Variants in SPOP observed in about 807,000 individuals in gnomAD.
SPOP encodes speckle-type POZ protein.
Under a neutral mutation model 45.6 loss-of-function variants are expected in SPOP, and 11 were observed. The observed-to-expected ratio is 0.24, with a 90% confidence interval of 0.15 to 0.40. The LOEUF is 0.40. Ranked by LOEUF, SPOP falls within the 10% of genes least tolerant of loss-of-function variation. The pLI is 1.00. For synonymous variants in SPOP, 166 were observed against 166.3 expected (o/e 1.00, Z 0.01); for missense variants, 152 against 465.6 (o/e 0.33, Z 6.20).
At chr17:49,616,873 G>A (rs1223716312) in intron 5 of SPOP, among the ~76,000 whole-genome samples, 1 of 152,200 alleles carries the variant, frequency 6.6e-6, no homozygotes, top group African/African-American at 2.4e-5. Context: ...TTTCTAAAGT[G>A]TCATCTCACT....
intron 1 of SPOP, among the ~76,000 whole-genome samples, chr17:49,645,362 C>T (rs534282354): frequency 3.3e-5 from 5 of 151,390 alleles, no homozygotes; most frequent in East Asian, 1.9e-4. Context: ...TACAGTGATT[C>T]GATCTCTGCT....
chr17:49,642,213 A>G (rs1159076138), intron 1 of SPOP, among the ~76,000 whole-genome samples: 1 of 152,068 alleles, frequency 6.6e-6, no homozygotes, highest in Non-Finnish European at 1.5e-5. Context: ...AAGTGAGCAC[A>G]TTTTACTTTT....
At chr17:49,603,475 A>G (rs1216931493) in intron 8 of SPOP, among the ~76,000 whole-genome samples, 3 of 152,212 alleles carry the variant, frequency 2.0e-5, no homozygotes, top group Non-Finnish European at 4.4e-5. Flanking sequence ...TTTCTTAATT[A>G]TGCTTCTGAA....
chr17:49,619,280 G>A lies in SPOP; in HGVS notation c.306C>T (p.Phe102=), dbSNP rs1057519965. 2 of 1,614,126 alleles carry A rather than the reference G, an allele frequency of 1.2e-6. No individual in the cohort carries two copies. The highest frequency in any genetic ancestry group is 3.3e-5 in the Admixed American group (2 of 60,020). Residue 102 remains phenylalanine (F), a synonymous_variant, in exon 4 of 10, where the codon TTC becomes TTT. Coordinates refer to ENST00000504102, the MANE Select transcript of SPOP (RefSeq NM_001007228.2). This position sits in a 1 kb window ranked among gnomAD's most constrained non-coding sequence, Gnocchi z 4.9. ...CCTTGGCATTCAGGATGGAGAATTT[G>A]AATTTTGCCCGAACTTCACTCTTTG... ...SCPKSEVRAK[F]KFSILNAKGE...
chr17:49,665,067 C>T (rs188951579), intron 1 of SPOP, among the ~76,000 whole-genome samples: 13 of 152,012 alleles, frequency 8.6e-5, no homozygotes, highest in Non-Finnish European at 1.6e-4. Context: ...CATAAAACTT[C>T]GATGCTTTTA....
At chr17:49,625,659 A>G (rs1401612668) in intron 1 of SPOP, among the ~76,000 whole-genome samples, 1 of 152,006 alleles carries the variant, frequency 6.6e-6, no homozygotes, top group African/African-American at 2.4e-5. Flanking sequence ...ATGGACATCA[A>G]ACACAGAGCT....
chr17:49,618,420 A>G (rs1380550589), intron 5 of SPOP: 5 of 382,152 alleles, frequency 1.3e-5, no homozygotes, highest in Non-Finnish European at 2.6e-5. Context: ...GGACTTTCCT[A>G]ACTGACTACA....
At chr17:49,614,387 C>G (rs950663931) in intron 5 of SPOP, among the ~76,000 whole-genome samples, 3 of 152,182 alleles carry the variant, frequency 2.0e-5, no homozygotes, top group Non-Finnish European at 4.4e-5. Context: ...TGACTACATA[C>G]AGTCTGACAC....
At chr17:49,669,130 G>A (rs543045263) in intron 1 of SPOP, among the ~76,000 whole-genome samples, 7 of 142,122 alleles carry the variant, frequency 4.9e-5, no homozygotes, top group East Asian at 4.2e-4. Flanking sequence ...GCAGTGGTGC[G>A]ATCTCAGCTC....
intron 1 of SPOP, among the ~76,000 whole-genome samples, chr17:49,637,004 G>A (rs556672203): frequency 1.4e-3 from 213 of 152,270 alleles, no homozygotes; most frequent in Admixed American, 2.4e-3. Flanking sequence ...CTTGAGGCCA[G>A]AAGTTCAAGA....
intron 1 of SPOP, among the ~76,000 whole-genome samples, chr17:49,669,897 TGAG>T (rs1392645176): frequency 3.3e-5 from 5 of 152,090 alleles, no homozygotes; most frequent in Non-Finnish European, 5.9e-5. Context: ...AATCTCAATT[TGAG>T]GAGATGAATG....
intron 1 of SPOP, 37 bp from the exon 2 acceptor site, chr17:49,622,913 T>C: frequency 1.1e-6 from 1 of 936,518 alleles, no homozygotes; most frequent in Non-Finnish European, 1.7e-6. Context: ...CTTTATTAGA[T>C]TATTAAGATA....
chr17:49,659,303 A>G (rs1038165648), intron 1 of SPOP, among the ~76,000 whole-genome samples: 3 of 152,214 alleles, frequency 2.0e-5, no homozygotes, highest in Non-Finnish European at 4.4e-5. Context: ...AATAGACCCA[A>G]CTGCCTGCCT....
intron 1 of SPOP, among the ~76,000 whole-genome samples, chr17:49,658,329 A>AT (rs1365738468): frequency 6.6e-6 from 1 of 151,972 alleles, no homozygotes; most frequent in Non-Finnish European, 1.5e-5. Flanking sequence ...ATACTTTTCT[A>AT]TTTTTTTCCA....
chr17:49,631,017 G>A (rs1036943856), intron 1 of SPOP, among the ~76,000 whole-genome samples: 3 of 152,140 alleles, frequency 2.0e-5, no homozygotes, highest in African/African-American at 7.2e-5. Context: ...ACTTACCCAG[G>A]GTAAAGAAAA....
At chr17:49,639,795 T>A (rs968462767) in intron 1 of SPOP, among the ~76,000 whole-genome samples, 12 of 152,182 alleles carry the variant, frequency 7.9e-5, no homozygotes, top group African/African-American at 2.9e-4. Flanking sequence ...TGAGCAATGG[T>A]ATACGTTATG....
At chr17:49,630,553 C>T (rs915374079) in intron 1 of SPOP, among the ~76,000 whole-genome samples, 4 of 152,090 alleles carry the variant, frequency 2.6e-5, no homozygotes, top group Non-Finnish European at 5.9e-5. Context: ...TGTCTTTTAT[C>T]GGGTTCATGC....
intron 1 of SPOP, among the ~76,000 whole-genome samples, chr17:49,645,585 G>T (rs1017990032): frequency 6.6e-6 from 1 of 151,806 alleles, no homozygotes; most frequent in Non-Finnish European, 1.5e-5. Flanking sequence ...ATGAGTCACC[G>T]CGCCCAGCCA....
intron 8 of SPOP, among the ~76,000 whole-genome samples, chr17:49,606,610 C>T (rs982484283): frequency 2.1e-4 from 31 of 149,628 alleles, no homozygotes; most frequent in African/African-American, 5.4e-4. Flanking sequence ...CCTCTTGCCT[C>T]AGCCTCCTGA....
Sources: gnomAD v4.1 joint callset for allele counts (sites outside exome capture counted in the v4.1 genomes callset) on GRCh38, gnomAD v4.1.1 for gene constraint, Gnocchi (gnomAD v3.1) non-coding constraint, MANE v1.5 for transcripts, NCBI Gene and HGNC (gene_info 2026-07-23, HGNC 2026-07-21) for gene names.